The following IL1RAPL1 variants were observed in gnomAD, a reference collection of about 807,000 sequenced individuals.
The protein encoded by IL1RAPL1 is interleukin 1 receptor accessory protein like 1.
IL1RAPL1 carries 3 observed loss-of-function variants against 48.4 expected under a neutral mutation model. The observed-to-expected ratio is 0.06, with a 90% CI of 0.03 to 0.16. The LOEUF (loss-of-function observed/expected upper bound fraction) is 0.16, where lower values mean the gene tolerates loss of function less well. IL1RAPL1 is among the 10% of genes least tolerant of loss of function. The pLI is 1.00. For synonymous variants in IL1RAPL1, 185 were observed against 187.7 expected, an observed-to-expected ratio of 0.99 and a Z score of 0.12; for missense variants, 349 against 530.6, an observed-to-expected ratio of 0.66 and a Z score of 3.36.
At chrX:28,638,996 A>C (rs893947674) in intron 1 of IL1RAPL1, among the ~76,000 whole-genome samples, 1 of 111,672 alleles carries the variant, frequency 9.0e-6, no homozygotes, top group Non-Finnish European at 1.9e-5. Context: ...ATATTCTCTT[A>C]TTGCTGGCTG....
intron 1 of IL1RAPL1, among the ~76,000 whole-genome samples, chrX:28,779,634 GTATATATATATATATA>G (rs1183080798): frequency 4.4e-4 from 17 of 38,322 alleles, no homozygotes; most frequent in African/African-American, 5.8e-4. Flanking sequence ...GTGTGTGTGT[GTATATATATATATATA>G]TATATATATA....
intron 2 of IL1RAPL1, among the ~76,000 whole-genome samples, chrX:29,250,728 C>T (rs1931590881): frequency 9.0e-6 from 1 of 111,460 alleles, no homozygotes; most frequent in Non-Finnish European, 1.9e-5. Context: ...ATGTAAACTC[C>T]TGTTTGTATC....
In IL1RAPL1 at chrX:29,516,315, A is replaced by C. The variant is rs1255536730; in HGVS notation, c.703+117007A>C. ...GAATGTGTTCTAGATACAAAATAGT[A>C]TATATGCCATATAGAGAGAACTTAC... On this transcript the variant is annotated intron_variant, in intron 5 of 10. Transcript: ENST00000378993. Among the ~76,000 whole-genome samples the C allele has an allele frequency of 5.4e-5, 6 of 112,030 alleles. No individual in the cohort carries two copies. The East Asian group carries it at 1.7e-3, about 31-fold the overall frequency.
intron 6 of IL1RAPL1, among the ~76,000 whole-genome samples, chrX:29,719,880 C>G (rs757801872): frequency 1.8e-5 from 2 of 110,801 alleles, no homozygotes; most frequent in South Asian, 7.6e-4. Flanking sequence ...TTTTATAGAC[C>G]CTAGAGTCTT....
chrX:29,048,445 G>A (rs1927022661), intron 2 of IL1RAPL1, among the ~76,000 whole-genome samples: 1 of 111,855 alleles, frequency 8.9e-6, no homozygotes, highest in Non-Finnish European at 1.9e-5. Flanking sequence ...TGGTGCTCAA[G>A]GAGTCTTTCA....
intron 5 of IL1RAPL1, among the ~76,000 whole-genome samples, chrX:29,631,105 TTAAC>T: frequency 8.9e-6 from 1 of 112,316 alleles, no homozygotes; most frequent in Admixed American, 9.4e-5. Context: ...ATTGTGATCT[TTAAC>T]TAAACAGGCA....
chrX:28,715,476 A>C (rs920984396), intron 1 of IL1RAPL1, among the ~76,000 whole-genome samples: 8 of 111,781 alleles, frequency 7.2e-5, no homozygotes, highest in African/African-American at 2.6e-4. Flanking sequence ...CTAACATCAC[A>C]ACTAAAAGAA....
At chrX:28,878,320 G>A (rs1444106359) in intron 2 of IL1RAPL1, among the ~76,000 whole-genome samples, 2 of 111,612 alleles carry the variant, frequency 1.8e-5, no homozygotes, top group African/African-American at 6.5e-5. Context: ...AGCAAAGTTA[G>A]GAAGAACTAG....
At chrX:29,361,898 C>T (rs1486589571) in intron 3 of IL1RAPL1, among the ~76,000 whole-genome samples, 1 of 112,151 alleles carries the variant, frequency 8.9e-6, no homozygotes, top group East Asian at 2.8e-4. Flanking sequence ...AAGTGTCACT[C>T]TTAAATCAAT....
chrX:29,569,093 A>T (rs1251223642), intron 5 of IL1RAPL1, among the ~76,000 whole-genome samples: 1 of 111,447 alleles, frequency 9.0e-6, no homozygotes, highest in Non-Finnish European at 1.9e-5. Context: ...GATAATATGG[A>T]AATATGCCTC....
intron 6 of IL1RAPL1, among the ~76,000 whole-genome samples, chrX:29,722,331 C>G (rs1927657292): frequency 8.9e-6 from 1 of 111,833 alleles, no homozygotes; most frequent in Non-Finnish European, 1.9e-5. Flanking sequence ...ATACTTTTTT[C>G]AGATAAATTC....
intron 2 of IL1RAPL1, among the ~76,000 whole-genome samples, chrX:28,903,043 C>G (rs772004034): frequency 2.9e-4 from 33 of 112,105 alleles, no homozygotes; most frequent in Admixed American, 5.7e-4. Flanking sequence ...ACTGGCTTAA[C>G]CTTTAGCAAG....
chrX:28,974,314 A>G (rs182198280), intron 2 of IL1RAPL1, among the ~76,000 whole-genome samples: 1 of 112,525 alleles, frequency 8.9e-6, no homozygotes, highest in Admixed American at 9.5e-5. Context: ...AGCATAGGAC[A>G]TTATATGACC....
chrX:29,449,564 C>T (rs770049362), intron 5 of IL1RAPL1, among the ~76,000 whole-genome samples: 1 of 110,665 alleles, frequency 9.0e-6, no homozygotes, highest in Non-Finnish European at 1.9e-5. Flanking sequence ...TCCCACAGCT[C>T]TTGTAACAGT....
Position 29,179,919 on chromosome X carries a change from C to A in IL1RAPL1, c.83-103019C>A, listed in dbSNP as rs1164873840. 3.6e-5 allele frequency among the ~76,000 whole-genome samples: 4 copies of A among 110,891 alleles called. No homozygotes were observed. The Admixed American group carries it at 3.9e-4, about 11-fold the overall frequency. On this transcript the variant is annotated intron_variant, in intron 2 of 10. Transcript: ENST00000378993. ...ATCCGATTCAGAAAGTTGGGTGGGG[C>A]ACAGAAATTTGCATTTCTAAGTTTT... is the stretch of plus-strand genomic sequence containing the variant.
At chrX:29,880,577 G>A (rs1387734365) in intron 6 of IL1RAPL1, among the ~76,000 whole-genome samples, 1 of 111,923 alleles carries the variant, frequency 8.9e-6, no homozygotes, top group Admixed American at 9.5e-5. Context: ...TCCATTTTAT[G>A]TCAAAAGTTA....
At chrX:29,669,298 G>T (rs956639306) in intron 6 of IL1RAPL1, among the ~76,000 whole-genome samples, 2 of 111,087 alleles carry the variant, frequency 1.8e-5, no homozygotes, top group African/African-American at 3.3e-5. Flanking sequence ...TGTTTGTAGT[G>T]GTGCATTATA....
At chrX:29,780,047 G>A (rs924169083) in intron 6 of IL1RAPL1, among the ~76,000 whole-genome samples, 1 of 109,995 alleles carries the variant, frequency 9.1e-6, no homozygotes, top group South Asian at 3.9e-4. Context: ...GCTGACGAAG[G>A]GTGTATTTTT....
intron 2 of IL1RAPL1, among the ~76,000 whole-genome samples, chrX:29,244,104 C>T (rs1569268209): frequency 8.9e-6 from 1 of 112,010 alleles, no homozygotes; most frequent in African/African-American, 3.2e-5. Context: ...CAGATGCAGA[C>T]TTGTCAAGAC....
Sources: allele counts gnomAD v4.1 joint callset (sites outside exome capture counted in the v4.1 genomes callset), GRCh38; gene constraint gnomAD v4.1.1; transcripts MANE v1.5; gene names NCBI Gene and HGNC (gene_info 2026-07-23, HGNC 2026-07-21).